The following RANBP2 variants were observed in gnomAD, a reference collection of about 807,000 sequenced individuals.
RANBP2 encodes RAN binding protein 2, also known as E3 SUMO-protein ligase RanBP2.
In RANBP2, 57 loss-of-function variants were observed where a neutral mutation model predicts 303.6. The ratio of observed to expected loss-of-function variants is 0.19; its 90% CI spans 0.15 to 0.23. The LOEUF (loss-of-function observed/expected upper bound fraction) is 0.23. Among genes scored for constraint, RANBP2 ranks in the 10% least tolerant of loss-of-function variants. The pLI is 1.00. For missense variants in RANBP2, 3,138 were observed against 3,780.8 expected, an observed-to-expected ratio of 0.83 and a Z score of 4.46; for synonymous variants, 1,167 against 1,301.5, an observed-to-expected ratio of 0.90 and a Z score of 2.23.
the RANBP2 span, among the ~76,000 whole-genome samples, chr2:109,531,832 G>A: frequency 6.6e-6 from 1 of 152,204 alleles, no homozygotes; most frequent in African/African-American, 2.4e-5. Flanking sequence ...TGGCGGAATC[G>A]AGGTCATCAT....
the RANBP2 span, among the ~76,000 whole-genome samples, chr2:109,404,992 A>G: frequency 6.9e-5 from 10 of 144,062 alleles, no homozygotes; most frequent in South Asian, 6.9e-4. Flanking sequence ...TCTAACCCCT[A>G]TGTCTACACA....
rs960299763 is a variant in RANBP2 at position 108,785,651 on chromosome 2, T to C, written c.*1750T>C. ...GTGGCTTGTGGCATTTATGAGAAAGTCTTTGTGTCACATTTCAGGAAAGGA... is the reference window on the plus strand; with the variant it reads ...GTGGCTTGTGGCATTTATGAGAAAGCCTTTGTGTCACATTTCAGGAAAGGA... On this transcript the variant is annotated 3_prime_UTR_variant, in exon 29 of 29. Coordinates refer to ENST00000283195, the MANE Select transcript of RANBP2 (RefSeq NM_006267.5). 1 of 152,218 alleles carries C rather than the reference T, an allele frequency of 6.6e-6. No homozygotes were observed. The highest frequency in any genetic ancestry group is 6.5e-5 in the Admixed American group (1 of 15,282). The allele number at this position is 152,218 out of a possible 1,614,324, so 9.4% of individuals were successfully genotyped here.
chr2:109,034,270 CA>C, the RANBP2 span, among the ~76,000 whole-genome samples: 597 of 38,018 alleles, frequency 0.016, 26 homozygotes, highest in Middle Eastern at 0.062. Flanking sequence ...GACTCCATCT[CA>C]AAAAAAAAAA....
the RANBP2 span, among the ~76,000 whole-genome samples, chr2:109,562,796 A>C: frequency 6.6e-6 from 1 of 152,204 alleles, no homozygotes; most frequent in African/African-American, 2.4e-5. Context: ...CGAGATGATT[A>C]ATCTTTAGTG....
chr2:109,400,574 C>T, the RANBP2 span, among the ~76,000 whole-genome samples: 5 of 58,724 alleles, frequency 8.5e-5, no homozygotes, highest in South Asian at 5.8e-4. Context: ...CACACCTGTG[C>T]GCACACACAC....
the RANBP2 span, among the ~76,000 whole-genome samples, chr2:109,088,493 G>C: frequency 6.6e-6 from 1 of 151,704 alleles, no homozygotes; most frequent in East Asian, 1.9e-4. Flanking sequence ...TAGGGAGCCA[G>C]GAAACAATGC....
At chr2:108,853,864 T>TATATATACTATATAATATATTATATAG in the RANBP2 span, among the ~76,000 whole-genome samples, 1 of 127,760 alleles carries the variant, frequency 7.8e-6, no homozygotes, top group East Asian at 2.0e-4. Context: ...ATATATATAA[T>TATATATACTATATAATATATTATATAG]ATATATACTA....
chr2:109,169,771 C>T, the RANBP2 span, among the ~76,000 whole-genome samples: 39 of 147,994 alleles, frequency 2.6e-4, 1 homozygote, highest in Non-Finnish European at 1.9e-4. Context: ...CACACACACA[C>T]ATGACCCCCC....
the RANBP2 span, among the ~76,000 whole-genome samples, chr2:109,332,211 C>T: frequency 6.6e-6 from 1 of 152,264 alleles, no homozygotes; most frequent in East Asian, 1.9e-4. Flanking sequence ...TCATGGGACC[C>T]CTAACAGACC....
chr2:109,474,102 C>A, the RANBP2 span, among the ~76,000 whole-genome samples: 1 of 152,050 alleles, frequency 6.6e-6, no homozygotes, highest in Admixed American at 6.5e-5. Context: ...CAGTCTGGGC[C>A]GGGCTGAGGA....
the RANBP2 span, among the ~76,000 whole-genome samples, chr2:109,010,421 A>G: frequency 6.6e-6 from 1 of 151,428 alleles, no homozygotes; most frequent in Non-Finnish European, 1.5e-5. Flanking sequence ...CAGCATTTAC[A>G]TCATCATGTG....
the RANBP2 span, among the ~76,000 whole-genome samples, chr2:109,313,900 G>T: frequency 1.3e-5 from 1 of 75,568 alleles, no homozygotes; most frequent in East Asian, 3.1e-4. Context: ...GGAGATATTT[G>T]AAAGGTGTGT....
chr2:109,298,771 G>A, the RANBP2 span, among the ~76,000 whole-genome samples: 166 of 152,238 alleles, frequency 1.1e-3, no homozygotes, highest in African/African-American at 3.8e-3. Flanking sequence ...TTCCACCCCT[G>A]GTCTGGTCCC....
At chr2:108,752,262 TA>T (rs943227844) in intron 12 of RANBP2, among the ~76,000 whole-genome samples, 38 of 147,408 alleles carry the variant, frequency 2.6e-4, no homozygotes, top group East Asian at 1.6e-3. Context: ...GCCTGAAAAT[TA>T]AAAAAAAAAA....
intron 1 of RANBP2, among the ~76,000 whole-genome samples, chr2:108,728,593 TTTA>T (rs1339687563): frequency 2.2e-4 from 23 of 102,490 alleles, no homozygotes; most frequent in Middle Eastern, 4.7e-3. Context: ...ACCCAGCTTA[TTTA>T]TGATGATGAT....
chr2:109,635,469 C>T, the RANBP2 span, among the ~76,000 whole-genome samples: 8 of 152,238 alleles, frequency 5.3e-5, no homozygotes, highest in African/African-American at 1.9e-4. Flanking sequence ...AGATGTGAGC[C>T]ACTGCGCCCA....
chr2:109,613,983 G>A, the RANBP2 span: 2 of 1,199,172 alleles, frequency 1.7e-6, no homozygotes, highest in Non-Finnish European at 2.1e-6. Context: ...GCGGGGCCGA[G>A]CTGGAGGCCT....
the RANBP2 span, among the ~76,000 whole-genome samples, chr2:109,272,282 T>G: frequency 6.6e-6 from 1 of 152,218 alleles, no homozygotes; most frequent in Non-Finnish European, 1.5e-5. Context: ...AACCAAAAAC[T>G]GGGTCTTGGA....
rs779134801 is a variant in RANBP2, at chr2:108,767,420, A to T, written c.6881A>T (p.Asp2294Val). 1.2e-6 allele frequency: 2 copies of T among 1,611,978 alleles called. No individual in the cohort carries two copies. The highest frequency in any genetic ancestry group is 3.3e-5 in the Admixed American group (2 of 60,012). ...LNQSGTSVGT[D>V]EESDVTQEEE... ...CAGAGTGGGACTTCAGTTGGCACTG[A>T]TGAAGAATCTGATGTTACTCAAGAA... is the stretch of plus-strand genomic sequence containing the variant. Residue 2294 changes from aspartate (D) to valine (V), a missense_variant, in exon 20 of 29, where the codon GAT becomes GTT. Around this residue, in one of 20 missense-constraint regions of RANBP2, gnomAD observed 72 missense variants for 86.8 expected, o/e 0.83. Coordinates refer to ENST00000283195, the MANE Select transcript of RANBP2 (RefSeq NM_006267.5).
Sources: gnomAD v4.1 joint callset for allele counts (sites outside exome capture counted in the v4.1 genomes callset) on GRCh38, gnomAD v4.1.1 for gene constraint, gnomAD v4.1.1 regional missense constraint, MANE v1.5 for transcripts, NCBI Gene and HGNC (gene_info 2026-07-23, HGNC 2026-07-21) for gene names.